ZNF385D: variants seen among roughly 807,000 people sequenced by gnomAD.
ZNF385D encodes the protein zinc finger protein 385D, also known as zinc finger protein 659.
Under a neutral mutation model 35.8 loss-of-function variants are expected in ZNF385D, and 15 were observed. The ratio of observed to expected loss-of-function variants is 0.42; its 90% CI spans 0.28 to 0.64. ZNF385D has a LOEUF of 0.64. Ranked by LOEUF, ZNF385D falls within the 30% of genes least tolerant of loss-of-function variation. ZNF385D has a pLI of 0.23. For missense variants in ZNF385D, 474 were observed against 494.6 expected (o/e 0.96, Z 0.39); for synonymous variants, 212 against 186.8 (o/e 1.13, Z -1.10).
intron 4 of ZNF385D, among the ~76,000 whole-genome samples, chr3:21,470,582 T>C (rs1394006674): frequency 1.3e-5 from 2 of 152,172 alleles, no homozygotes; most frequent in African/African-American, 4.8e-5. Context: ...AGATGTGTGC[T>C]TAAAATGGTT....
At chr3:22,225,062 A>C (rs1698473617) in intron 2 of ZNF385D, among the ~76,000 whole-genome samples, 1 of 152,214 alleles carries the variant, frequency 6.6e-6, no homozygotes, top group Admixed American at 6.5e-5. Flanking sequence ...CAATATTTGC[A>C]ATTACAGATA....
chr3:21,602,649 CA>C lies in ZNF385D; in HGVS notation c.166-37966del, dbSNP rs1307486512. Among the ~76,000 whole-genome samples the C allele has an allele frequency of 3.3e-5, 5 of 149,940 alleles. No homozygotes were observed. The East Asian group carries it at 1.0e-3, about 30-fold the overall frequency. On this transcript the variant is annotated intron_variant, in intron 2 of 7. Transcript: ENST00000281523. ...CCGGGTTCACGCCATTCTCCTGCCT[CA>C]GCCTCCCGAGTAGCTGGGACTACAG...
intron 2 of ZNF385D, among the ~76,000 whole-genome samples, chr3:22,191,460 C>T (rs1324289034): frequency 6.7e-6 from 1 of 150,130 alleles, no homozygotes; most frequent in African/African-American, 2.5e-5. Context: ...GCACTCCAGC[C>T]TGGGCAACAA....
chr3:22,164,205 C>G (rs1245742210), intron 3 of ZNF385D, among the ~76,000 whole-genome samples: 1 of 112,968 alleles, frequency 8.9e-6, no homozygotes, highest in African/African-American at 3.1e-5. Context: ...ATAGGTAATA[C>G]AAAAGGAGCA....
chr3:21,813,213 C>A (rs1212950360), intron 3 of ZNF385D, among the ~76,000 whole-genome samples: 1 of 150,716 alleles, frequency 6.6e-6, no homozygotes, highest in Non-Finnish European at 1.5e-5. Flanking sequence ...CATCAGAGAC[C>A]AAAGGTAAAT....
chr3:21,849,097 C>G (rs1696205050), intron 3 of ZNF385D, among the ~76,000 whole-genome samples: 1 of 152,014 alleles, frequency 6.6e-6, no homozygotes, highest in African/African-American at 2.4e-5. Flanking sequence ...CTGTTGTTGC[C>G]TATAATATTG....
chr3:21,719,733 A>G (rs1316580237), intron 1 of ZNF385D, among the ~76,000 whole-genome samples: 1 of 152,012 alleles, frequency 6.6e-6, no homozygotes, highest in Non-Finnish European at 1.5e-5. Context: ...CCCGACTGGA[A>G]CTCTCTCTCT....
At chr3:21,764,561 A>C (rs1370867742) in intron 3 of ZNF385D, among the ~76,000 whole-genome samples, 1 of 152,222 alleles carries the variant, frequency 6.6e-6, no homozygotes, top group Non-Finnish European at 1.5e-5. Context: ...AGCAAGAACG[A>C]AAAAGATATT....
rs3073907 is a variant in ZNF385D, at chr3:21,865,045, CTTTTTTTTTTTTTTTT to C, written c.326-200033_326-200018del. 7.1e-4 allele frequency among the ~76,000 whole-genome samples: 15 copies of C among 21,186 alleles called. 1 individual carries two copies. Among genetic ancestry groups the C allele is most frequent in the African/African-American group, 2.2e-3 (10 of 4,506 alleles). The allele number at this position is 21,186 out of a possible 152,430, so 13.9% of individuals were successfully genotyped here. A position where few individuals can be genotyped will look rare whatever the true frequency, so the allele number is the denominator to read the frequency against. On this transcript the variant is annotated intron_variant, in intron 3 of 5. Coordinates refer to the ZNF385D transcript ENST00000494108. ...ATTACTCTGTGGGGTACAGGGAAGA[CTTTTTTTTTTTTTTTT>C]TTTTTTTTTTTTTTTTGAGAGGAGG...
intron 3 of ZNF385D, among the ~76,000 whole-genome samples, chr3:21,787,334 C>T (rs909777351): frequency 6.6e-6 from 1 of 152,036 alleles, no homozygotes; most frequent in Admixed American, 6.5e-5. Context: ...TTCGAAGACT[C>T]ACTAAGTGGG....
chr3:21,726,575 T>C (rs528796728), intron 1 of ZNF385D, among the ~76,000 whole-genome samples: 49 of 152,210 alleles, frequency 3.2e-4, no homozygotes, highest in South Asian at 2.3e-3. Context: ...TCATTCACAA[T>C]TGCTACTAAG....
intron 3 of ZNF385D, among the ~76,000 whole-genome samples, chr3:22,080,812 G>A (rs576146705): frequency 2.0e-5 from 3 of 152,054 alleles, no homozygotes; most frequent in South Asian, 2.1e-4. Flanking sequence ...TTTATAAATG[G>A]GACCCCAGAG....
intron 1 of ZNF385D, among the ~76,000 whole-genome samples, chr3:21,749,961 A>G (rs952040844): frequency 3.9e-5 from 6 of 152,190 alleles, no homozygotes; most frequent in African/African-American, 1.4e-4. Flanking sequence ...CATCTTGGAT[A>G]CATTTCCTAG....
At chr3:22,279,575 TATAC>T (rs1198072859) in intron 2 of ZNF385D, among the ~76,000 whole-genome samples, 7 of 145,888 alleles carry the variant, frequency 4.8e-5, no homozygotes, top group Non-Finnish European at 1.0e-4. Flanking sequence ...TATATATGTA[TATAC>T]ATATACATAT....
intron 1 of ZNF385D, among the ~76,000 whole-genome samples, chr3:21,670,803 C>CT (rs1311720401): frequency 6.6e-6 from 1 of 151,182 alleles, no homozygotes; most frequent in Non-Finnish European, 1.5e-5. Flanking sequence ...AGCCATTAGC[C>CT]TTTCTTCCTT....
chr3:22,072,648 A>T (rs182382102), intron 3 of ZNF385D, among the ~76,000 whole-genome samples: 2 of 152,146 alleles, frequency 1.3e-5, no homozygotes, highest in Non-Finnish European at 2.9e-5. Context: ...AATGCTAGAT[A>T]GGAAGGCAAG....
At position 21,535,993 on chromosome 3, in the gene ZNF385D, A is replaced by G. The variant is rs560389585; in HGVS notation, c.277-24970T>C. 1.3e-4 allele frequency among the ~76,000 whole-genome samples: 19 copies of G among 142,062 alleles called. No homozygotes were observed. The South Asian group carries it at 3.1e-3, about 23-fold the overall frequency. The allele number at this position is 142,062 out of a possible 152,430, so 93.2% of individuals were successfully genotyped here. A position where few individuals can be genotyped will look rare whatever the true frequency, so the allele number is the denominator to read the frequency against. On this transcript the variant is annotated intron_variant, in intron 3 of 7. Transcript: ENST00000281523. ...AAAATATCCTGGATTCCCCACAATC[A>G]TAACAAGAAGATGGAGCTGGATCTA...
At chr3:21,727,322 T>C (rs1027503666) in intron 1 of ZNF385D, among the ~76,000 whole-genome samples, 2 of 151,982 alleles carry the variant, frequency 1.3e-5, no homozygotes, top group East Asian at 1.9e-4. Context: ...AATTGACAAA[T>C]GGTATCTAAT....
chr3:22,351,224 A>ACATGCAC (rs1695902124), intron 2 of ZNF385D, among the ~76,000 whole-genome samples: 1 of 152,132 alleles, frequency 6.6e-6, no homozygotes, highest in Admixed American at 6.5e-5. Context: ...TAAAGACAGT[A>ACATGCAC]ATTTTAGCCA....
Sources: allele counts gnomAD v4.1 joint callset (sites outside exome capture counted in the v4.1 genomes callset), GRCh38; gene constraint gnomAD v4.1.1; transcripts MANE v1.5; gene names NCBI Gene and HGNC (gene_info 2026-07-23, HGNC 2026-07-21).